The following VPS13A variants were observed in gnomAD, a reference collection of about 807,000 sequenced individuals.
The protein encoded by VPS13A is vacuolar protein sorting 13 homolog A, also known as intermembrane lipid transfer protein VPS13A.
In VPS13A, 264 loss-of-function variants were observed where a neutral mutation model predicts 390.9. The observed-to-expected ratio is 0.68, with a 90% CI of 0.61 to 0.75. The LOEUF (loss-of-function observed/expected upper bound fraction) is 0.75, where lower values mean the gene tolerates loss of function less well. Among genes scored for constraint, VPS13A ranks in the 30% least tolerant of loss-of-function variants. The pLI is 0.00. For missense variants in VPS13A, 3,409 were observed against 3,733.9 expected, an observed-to-expected ratio of 0.91 and a Z score of 2.27; for synonymous variants, 1,231 against 1,227.1, an observed-to-expected ratio of 1.00 and a Z score of -0.07.
intron 68 of VPS13A, among the ~76,000 whole-genome samples, chr9:77,401,952 A>T (rs572854790): frequency 1.3e-5 from 2 of 152,212 alleles, no homozygotes; most frequent in Admixed American, 6.5e-5. Context: ...AGGTGTGTGT[A>T]TATAGGAAAA....
chr9:77,337,697 A>G lies in VPS13A; in HGVS notation c.6378+160A>G. On this transcript the variant is annotated intron_variant, in intron 47 of 71. Transcript: ENST00000360280. ...TTCTTTTGCAACAAGTATGAGAATTATTATTGAAATAACATTTAAGAACTA... is the reference window on the plus strand; with the variant it reads ...TTCTTTTGCAACAAGTATGAGAATTGTTATTGAAATAACATTTAAGAACTA... 4 of 692,722 alleles carry G rather than the reference A, an allele frequency of 5.8e-6. No homozygotes were observed. In the South Asian group the frequency reaches 7.3e-5, roughly 13 times the overall value. 42.9% of individuals were successfully genotyped at this position (692,722 alleles called of 1,614,324 possible). A position where few individuals can be genotyped will look rare whatever the true frequency, so the allele number is the denominator to read the frequency against.
At chr9:77,259,451 AT>A (rs1825635559) in intron 22 of VPS13A, among the ~76,000 whole-genome samples, 1 of 152,220 alleles carries the variant, frequency 6.6e-6, no homozygotes, top group South Asian at 2.1e-4. Flanking sequence ...TTTTAGAAAG[AT>A]AACGTAAGTA....
At chr9:77,249,357 A>G (rs1052773115) in intron 20 of VPS13A, among the ~76,000 whole-genome samples, 4 of 152,146 alleles carry the variant, frequency 2.6e-5, no homozygotes, top group Non-Finnish European at 5.9e-5. Flanking sequence ...GTGTGGTATA[A>G]TAGAGCATAA....
rs560753382 is a variant in VPS13A at position 77,262,913 on chromosome 9, T to C, written c.2427+2689T>C. Among the ~76,000 whole-genome samples, 8 of 152,272 alleles carry C rather than the reference T, an allele frequency of 5.3e-5. No homozygotes were observed. The East Asian group carries it at 1.5e-3, about 29-fold the overall frequency. On this transcript the variant is annotated intron_variant, in intron 23 of 71. Transcript: ENST00000360280. ...GAACATACATGTGCATGTGTCTTTA[T>C]AGTAGGATGATTTATAATCCTTTGG...
chr9:77,350,112 A>G (rs934453996), intron 52 of VPS13A, among the ~76,000 whole-genome samples: 7 of 152,140 alleles, frequency 4.6e-5, no homozygotes, highest in Admixed American at 4.6e-4. Context: ...GAAGGTTTCG[A>G]TACATTTAAA....
rs1423282341 is a variant in VPS13A at position 77,332,121 on chromosome 9, G to A, written c.6095+8G>A. ...ACCATTAGGATCTTACCGGTATTTT[G>A]TCTTTATCATTTTATTTACTCTAAA... On this transcript the variant is annotated splice_region_variant and intron_variant, in intron 46 of 71. Coordinates refer to ENST00000360280, the MANE Select transcript of VPS13A (RefSeq NM_033305.3). 2 of 1,596,976 alleles carry A rather than the reference G, an allele frequency of 1.3e-6. No homozygotes were observed. Among genetic ancestry groups the A allele is most frequent in the Non-Finnish European group, 8.6e-7 (1 of 1,165,308 alleles).
chr9:77,334,353 T>A (rs1220081659), intron 46 of VPS13A, among the ~76,000 whole-genome samples: 1 of 152,188 alleles, frequency 6.6e-6, no homozygotes, highest in Non-Finnish European at 1.5e-5. Context: ...TTTGATGTTC[T>A]GTTTCAAGAC....
chr9:77,340,285 G>A lies in VPS13A; in HGVS notation c.6879+3G>A, dbSNP rs1299988888. The A allele has an allele frequency of 2.5e-6, 4 of 1,611,004 alleles. No individual in the cohort carries two copies. Among genetic ancestry groups the A allele is most frequent in the Non-Finnish European group, 3.4e-6 (4 of 1,177,884 alleles). ...AAGGCCTGAAAATGGACTATCAAGT[G>A]AGTTCATTCTATGCTTATCAAGAAA... On this transcript the variant is annotated splice_donor_region_variant and intron_variant, in intron 49 of 71. Coordinates refer to ENST00000360280, the MANE Select transcript of VPS13A (RefSeq NM_033305.3).
chr9:77,393,280 C>T (rs1833975126), intron 68 of VPS13A, among the ~76,000 whole-genome samples: 1 of 152,208 alleles, frequency 6.6e-6, no homozygotes. Context: ...TTCTAATCCC[C>T]TTGCTATTTG....
intron 33 of VPS13A, among the ~76,000 whole-genome samples, chr9:77,301,623 T>C (rs1828358051): frequency 6.6e-6 from 1 of 152,186 alleles, no homozygotes; most frequent in African/African-American, 2.4e-5. Flanking sequence ...AAGTACATTA[T>C]TGAGGAGTAA....
At chr9:77,249,679 A>G (rs914244745) in intron 20 of VPS13A, among the ~76,000 whole-genome samples, 2 of 152,196 alleles carry the variant, frequency 1.3e-5, no homozygotes, top group Non-Finnish European at 2.9e-5. Context: ...TGGAACTAAA[A>G]TTCAGCTATC....
chr9:77,399,181 T>TAAAAAAAAAAAAAAAAAAAA (rs1223344360), intron 68 of VPS13A, among the ~76,000 whole-genome samples: 27 of 34,920 alleles, frequency 7.7e-4, no homozygotes, highest in Admixed American at 1.4e-3. Flanking sequence ...AAAAAAAAAA[T>TAAAAAAAAAAAAAAAAAAAA]AAAAAAAAAA....
intron 23 of VPS13A, among the ~76,000 whole-genome samples, chr9:77,267,179 C>A (rs1349236350): frequency 6.6e-6 from 1 of 152,122 alleles, no homozygotes; most frequent in Non-Finnish European, 1.5e-5. Context: ...TCTGCAAACT[C>A]ATTCTCCATC....
At chr9:77,206,721 A>G (rs1222916066) in intron 5 of VPS13A, among the ~76,000 whole-genome samples, 4 of 152,102 alleles carry the variant, frequency 2.6e-5, no homozygotes, top group Non-Finnish European at 4.4e-5. Flanking sequence ...GCTGTTCTTT[A>G]TCTTGAAACA....
intron 31 of VPS13A, among the ~76,000 whole-genome samples, chr9:77,287,049 A>G (rs936375375): frequency 9.9e-5 from 15 of 151,716 alleles, no homozygotes; most frequent in African/African-American, 3.6e-4. Flanking sequence ...CTCATGTGAC[A>G]TGCAGAGGCT....
chr9:77,381,045 T>C (rs950347742), intron 67 of VPS13A, among the ~76,000 whole-genome samples: 1 of 152,224 alleles, frequency 6.6e-6, no homozygotes, highest in African/African-American at 2.4e-5. Context: ...GTGATACTTG[T>C]TGAGTGAACA....
intron 71 of VPS13A, 146 bp from the exon 72 acceptor site, chr9:77,415,810 C>G: frequency 1.1e-6 from 1 of 890,192 alleles, no homozygotes; most frequent in African/African-American, 1.7e-5. Flanking sequence ...TGAATGATCT[C>G]TTTTGCAGGA....
At chr9:77,200,768 A>G (rs374427181) in intron 2 of VPS13A, among the ~76,000 whole-genome samples, 2 of 152,298 alleles carry the variant, frequency 1.3e-5, no homozygotes, top group East Asian at 1.9e-4. Context: ...AGAAGTCTTT[A>G]CCGAATCTAA....
At chr9:77,299,942 G>A (rs1409298374) in intron 33 of VPS13A, among the ~76,000 whole-genome samples, 2 of 151,982 alleles carry the variant, frequency 1.3e-5, no homozygotes, top group Non-Finnish European at 2.9e-5. Context: ...GGAGGCAAGG[G>A]GAAGGATAGC....
Sources: gnomAD v4.1 joint callset for allele counts (sites outside exome capture counted in the v4.1 genomes callset) on GRCh38, gnomAD v4.1.1 for gene constraint, MANE v1.5 for transcripts, NCBI Gene and HGNC (gene_info 2026-07-23, HGNC 2026-07-21) for gene names.